The following TMEM165 variants were observed in gnomAD, a reference collection of about 807,000 sequenced individuals.
The protein encoded by TMEM165 is transmembrane protein 165.
TMEM165 carries 19 observed loss-of-function variants against 30.0 expected under a neutral mutation model. The ratio of observed to expected loss-of-function variants is 0.63; its 90% CI spans 0.44 to 0.93. The LOEUF (loss-of-function observed/expected upper bound fraction) is 0.93, where lower values mean the gene tolerates loss of function less well. Among genes scored for constraint, TMEM165 ranks in the 40% least tolerant of loss-of-function variants. The pLI is 0.00. For missense variants in TMEM165, 340 were observed against 417.0 expected, an observed-to-expected ratio of 0.82 and a Z score of 1.61; for synonymous variants, 168 against 162.9, an observed-to-expected ratio of 1.03 and a Z score of -0.24.
chr4:55,411,311 C>T (rs1003968693), intron 1 of TMEM165, among the ~76,000 whole-genome samples: 25 of 152,132 alleles, frequency 1.6e-4, no homozygotes, highest in Admixed American at 5.9e-4. Context: ...ATGAAATGCT[C>T]AATGGAACAT....
chr4:55,427,992 T>A (rs1722306184), downstream of TMEM165: 2 of 152,354 alleles, frequency 1.3e-5, no homozygotes, highest in Admixed American at 1.3e-4. Flanking sequence ...GCAGGTGTTA[T>A]TTTTTGAGAA....
At chr4:55,443,950 G>T in intron 3 of TMEM165, 1 of 1,529,170 alleles carries the variant, frequency 6.5e-7, no homozygotes, top group South Asian at 1.2e-5. Flanking sequence ...AAAGAAGAAT[G>T]AGCATTAAAA....
chr4:55,443,674 T>C, intron 3 of TMEM165: 1 of 1,608,746 alleles, frequency 6.2e-7, no homozygotes, highest in Non-Finnish European at 8.5e-7. Flanking sequence ...CCCGCTGTGC[T>C]CAGTAACATT....
chr4:55,416,944 A>G (rs940375578), intron 2 of TMEM165, 128 bp from the exon 3 acceptor site: 13 of 722,778 alleles, frequency 1.8e-5, no homozygotes, highest in Non-Finnish European at 2.8e-5. Flanking sequence ...AGGTTATTAC[A>G]TACTAGATTA....
Position 55,425,586 on chromosome 4 carries a change from T to G in TMEM165, c.*134T>G. On this transcript the variant is annotated 3_prime_UTR_variant, in exon 6 of 6. Coordinates refer to ENST00000381334, the MANE Select transcript of TMEM165 (RefSeq NM_018475.5). ...TGATTTTGTGAGTTTGACCCATTAT[T>G]ATGTCTGAGATATAATCATTGATTC... 3.0e-6 allele frequency: 2 copies of G among 659,404 alleles called. No homozygotes were observed. The highest frequency in any genetic ancestry group is 5.1e-6 in the Non-Finnish European group (2 of 391,234). 40.8% of individuals were successfully genotyped at this position (659,404 alleles called of 1,614,324 possible). A position where few individuals can be genotyped will look rare whatever the true frequency, so the allele number is the denominator to read the frequency against.
At position 55,417,344 on chromosome 4, in the gene TMEM165, G is replaced by A. The variant is rs1023349283; in HGVS notation, c.609+97G>A. On this transcript the variant is annotated intron_variant, in intron 3 of 5. Coordinates refer to ENST00000381334, the MANE Select transcript of TMEM165 (RefSeq NM_018475.5). Reference sequence around the variant, plus strand: ...CAGTGGCCCCATCTGTGTGATATGCGGGGCTACACAAAAATAGCTTCTTTT... The same window carrying A: ...CAGTGGCCCCATCTGTGTGATATGCAGGGCTACACAAAAATAGCTTCTTTT... The A allele has an allele frequency of 1.9e-5, 23 of 1,209,258 alleles. No individual in the cohort carries two copies. In the Admixed American group the frequency reaches 3.7e-4, roughly 19 times the overall value. 74.9% of individuals were successfully genotyped at this position (1,209,258 alleles called of 1,614,324 possible).
intron 3 of TMEM165, chr4:55,450,019 A>C: frequency 6.5e-7 from 1 of 1,539,096 alleles, no homozygotes; most frequent in Non-Finnish European, 9.0e-7. Context: ...TTGATGAGAA[A>C]TGCTGATATA....
chr4:55,444,524 T>C (rs1442081766), intron 3 of TMEM165: 11 of 1,300,084 alleles, frequency 8.5e-6, no homozygotes, highest in South Asian at 3.6e-5. Flanking sequence ...TTGAACTGAA[T>C]TGATAAAACG....
intron 1 of TMEM165, chr4:55,403,406 AC>A (rs1721118840): frequency 2.5e-6 from 2 of 786,198 alleles, no homozygotes; most frequent in Non-Finnish European, 3.3e-6. Context: ...AAAAGGAATT[AC>A]TTTTTTCTTT....
chr4:55,429,586 T>C (rs897159048), downstream of TMEM165: 7 of 152,210 alleles, frequency 4.6e-5, no homozygotes, highest in Middle Eastern at 3.2e-3. Flanking sequence ...TTAAGAACTT[T>C]AAATGGATTT....
intron 1 of TMEM165, chr4:55,397,178 C>G (rs1439461389): frequency 2.6e-5 from 4 of 152,256 alleles, no homozygotes; most frequent in Non-Finnish European, 5.9e-5. Context: ...GTGTGGCACT[C>G]AAACCCCCAC....
chr4:55,448,597 CGCGCGTGTGTGTGTGTGTGTGTGTGT>C (rs1273043059), intron 3 of TMEM165, among the ~76,000 whole-genome samples: 1 of 72,922 alleles, frequency 1.4e-5, no homozygotes, highest in East Asian at 5.4e-4. Context: ...CGCGCGCACG[CGCGCGTGTGTGTGTGTGTGTGTGTGT>C]GTGTGTGTGT....
At chr4:55,426,949 G>A (rs1160123980), downstream of TMEM165, among the ~76,000 whole-genome samples, 1 of 152,112 alleles carries the variant, frequency 6.6e-6, no homozygotes, top group Non-Finnish European at 1.5e-5. Flanking sequence ...AATGTCTGTG[G>A]ATTAAGATAA....
intron 3 of TMEM165, among the ~76,000 whole-genome samples, chr4:55,436,039 G>A (rs914547921): frequency 2.6e-5 from 4 of 152,170 alleles, no homozygotes; most frequent in Non-Finnish European, 5.9e-5. Context: ...AGCGTGGTGG[G>A]CCCTGAGGTA....
intron 2 of TMEM165, 128 bp from the exon 3 acceptor site, chr4:55,416,944 A>T (rs940375578): frequency 1.4e-6 from 1 of 722,896 alleles, no homozygotes; most frequent in East Asian, 2.9e-5. Context: ...AGGTTATTAC[A>T]TACTAGATTA....
At chr4:55,398,883 A>T (rs1452909981) in intron 1 of TMEM165, 1 of 112,346 alleles carries the variant, frequency 8.9e-6, no homozygotes, top group Non-Finnish European at 2.0e-5. Context: ...GAAAAAAAAA[A>T]AAAAACAACA....
At chr4:55,421,293 CTTTCTT>C (rs1721965567) in intron 4 of TMEM165, among the ~76,000 whole-genome samples, 6 of 129,660 alleles carry the variant, frequency 4.6e-5, no homozygotes, top group Admixed American at 3.9e-4. Flanking sequence ...TATTTTCTTT[CTTTCTT>C]TTTTTTTTTT....
intron 1 of TMEM165, among the ~76,000 whole-genome samples, chr4:55,405,901 A>G (rs931186495): frequency 1.1e-4 from 17 of 152,180 alleles, no homozygotes; most frequent in Admixed American, 1.1e-3. Flanking sequence ...TATCTTTCTC[A>G]TCTTGCCCCA....
chr4:55,450,161 G>A (rs955496716), intron 3 of TMEM165: 2 of 1,614,018 alleles, frequency 1.2e-6, no homozygotes, highest in Admixed American at 1.7e-5. Flanking sequence ...GGGTTGGGCT[G>A]TGATCAAACC....
Sources: allele counts gnomAD v4.1 joint callset (sites outside exome capture counted in the v4.1 genomes callset), GRCh38; gene constraint gnomAD v4.1.1; transcripts MANE v1.5; gene names NCBI Gene and HGNC (gene_info 2026-07-23, HGNC 2026-07-21).